PLCB1: variants seen among roughly 807,000 people sequenced by gnomAD.
The protein encoded by PLCB1 is phospholipase C beta 1.
Under a neutral mutation model 161.8 loss-of-function variants are expected in PLCB1, and 46 were observed. The observed-to-expected ratio is 0.28, with a 90% CI of 0.22 to 0.36. PLCB1 has a LOEUF of 0.36. Among genes scored for constraint, PLCB1 ranks in the 10% least tolerant of loss-of-function variants. The pLI is 1.00. For synonymous variants in PLCB1, 517 were observed against 503.7 expected, an observed-to-expected ratio of 1.03 and a Z score of -0.35; for missense variants, 1,016 against 1,472.5, an observed-to-expected ratio of 0.69 and a Z score of 5.07.
intron 9 of PLCB1, among the ~76,000 whole-genome samples, chr20:8,681,224 C>A (rs79063809): frequency 0.026 from 3,983 of 150,900 alleles, 183 homozygotes; most frequent in East Asian, 0.22. Flanking sequence ...CCAAATTATA[C>A]CTTGACCTTG....
chr20:8,637,490 A>T (rs1269857184), intron 4 of PLCB1, among the ~76,000 whole-genome samples: 1 of 152,206 alleles, frequency 6.6e-6, no homozygotes, highest in African/African-American at 2.4e-5. Context: ...GGTAATGAGT[A>T]GGAAACTGGA....
intron 1 of PLCB1, among the ~76,000 whole-genome samples, chr20:8,135,789 T>G (rs1014491854): frequency 2.6e-5 from 4 of 152,222 alleles, no homozygotes; most frequent in African/African-American, 9.6e-5. Flanking sequence ...TCTTTGCTTT[T>G]GTTTTGCATT....
chr20:8,275,498 G>A (rs1161767342), intron 2 of PLCB1, among the ~76,000 whole-genome samples: 1 of 152,102 alleles, frequency 6.6e-6, no homozygotes, highest in Non-Finnish European at 1.5e-5. Context: ...CAGTAAGTTT[G>A]GACTCAACCA....
intron 3 of PLCB1, among the ~76,000 whole-genome samples, chr20:8,545,098 T>C (rs1291662052): frequency 6.6e-6 from 1 of 152,178 alleles, no homozygotes; most frequent in Non-Finnish European, 1.5e-5. Flanking sequence ...ATGTGGAAAC[T>C]ATAAGACAAA....
chr20:8,794,681 G>T (rs945548774), intron 31 of PLCB1, among the ~76,000 whole-genome samples: 2 of 152,138 alleles, frequency 1.3e-5, no homozygotes, highest in Non-Finnish European at 2.9e-5. Flanking sequence ...CAGGGAGGAA[G>T]CTCTTTTTTT....
At chr20:8,825,733 G>A (rs1309318173) in intron 31 of PLCB1, among the ~76,000 whole-genome samples, 2 of 152,186 alleles carry the variant, frequency 1.3e-5, no homozygotes, top group Non-Finnish European at 2.9e-5. Context: ...GATTAATGTG[G>A]GGAGCAAATT....
intron 24 of PLCB1, among the ~76,000 whole-genome samples, chr20:8,757,916 A>G (rs1981823178): frequency 6.6e-6 from 1 of 151,948 alleles, no homozygotes; most frequent in Non-Finnish European, 1.5e-5. Flanking sequence ...TTTGATTTCT[A>G]CGCAGCTAAC....
chr20:8,808,884 A>G (rs1055522144), intron 31 of PLCB1, among the ~76,000 whole-genome samples: 3 of 152,248 alleles, frequency 2.0e-5, no homozygotes, highest in African/African-American at 7.2e-5. Context: ...CAACACAACC[A>G]TTACTACAAA....
At chr20:8,716,658 C>T (rs1568571218) in intron 13 of PLCB1, among the ~76,000 whole-genome samples, 2 of 152,134 alleles carry the variant, frequency 1.3e-5, no homozygotes, top group African/African-American at 4.8e-5. Flanking sequence ...CTGCTCACTC[C>T]CAGGGAACCT....
chr20:8,386,737 G>T lies in PLCB1; in HGVS notation c.246+15287G>T, dbSNP rs116676532. ...AGATGGCATCATCTTCCAACAGAAGGCTGTTTTGTCTACATGGAAAATCTG... is the reference window on the plus strand; with the variant it reads ...AGATGGCATCATCTTCCAACAGAAGTCTGTTTTGTCTACATGGAAAATCTG... On this transcript the variant is annotated intron_variant, in intron 3 of 31. Transcript: ENST00000338037. 6.0e-3 allele frequency among the ~76,000 whole-genome samples: 912 copies of T among 152,294 alleles called. 6 individuals carry two copies. Among genetic ancestry groups the T allele is most frequent in the African/African-American group, 0.02 (816 of 41,556 alleles).
chr20:8,578,813 A>C (rs1314945324), intron 3 of PLCB1, among the ~76,000 whole-genome samples: 1 of 152,188 alleles, frequency 6.6e-6, no homozygotes. Flanking sequence ...AATAATTCAA[A>C]CTCTACGTTA....
At chr20:8,149,296 C>T (rs2123030468) in intron 1 of PLCB1, among the ~76,000 whole-genome samples, 2 of 152,190 alleles carry the variant, frequency 1.3e-5, no homozygotes, top group South Asian at 4.1e-4. Flanking sequence ...TAAAGCTATG[C>T]ACTGAGATGG....
At position 8,296,163 on chromosome 20, in the gene PLCB1, T is replaced by G. The variant is rs569273509; in HGVS notation, c.178-75219T>G. Among the ~76,000 whole-genome samples, 6 of 152,310 alleles carry G rather than the reference T, an allele frequency of 3.9e-5. No individual in the cohort carries two copies. The South Asian group carries it at 1.2e-3, about 32-fold the overall frequency. ...CGAATATGTGGTGTTCTGTCAGTAA[T>G]TAGCCATTGAATATGTCAAGTTAAT... On this transcript the variant is annotated intron_variant, in intron 2 of 31. Transcript: ENST00000338037.
intron 31 of PLCB1, among the ~76,000 whole-genome samples, chr20:8,828,136 G>T (rs1379847307): frequency 1.3e-5 from 2 of 152,080 alleles, no homozygotes; most frequent in Non-Finnish European, 2.9e-5. Flanking sequence ...ATGGCTGTGG[G>T]ATATCCTGCA....
At position 8,765,242 on chromosome 20, in the gene PLCB1, C is replaced by T. The variant is rs751197236; in HGVS notation, c.2814C>T (p.His938=). The T allele has an allele frequency of 2.5e-6, 4 of 1,613,722 alleles. No individual in the cohort carries two copies. Among genetic ancestry groups the T allele is most frequent in the Non-Finnish European group, 3.4e-6 (4 of 1,179,682 alleles). Residue 938 remains histidine (H), a synonymous_variant, in exon 26 of 32, where the codon CAC becomes CAT. Transcript: ENST00000338037. ...KEMKDLVKRH[H]KKTTDLIKEH... ...TGAAAGACCTGGTTAAGAGACACCA[C>T]AAGAAAACCACTGACCTTATCAAAG...
At chr20:8,408,022 A>T (rs1978862499) in intron 3 of PLCB1, among the ~76,000 whole-genome samples, 1 of 152,224 alleles carries the variant, frequency 6.6e-6, no homozygotes, top group Admixed American at 6.5e-5. Flanking sequence ...CCTAAATGGG[A>T]TCCTGGAACA....
At chr20:8,569,870 T>C (rs1248765289) in intron 3 of PLCB1, among the ~76,000 whole-genome samples, 3 of 152,138 alleles carry the variant, frequency 2.0e-5, no homozygotes, top group Non-Finnish European at 4.4e-5. Context: ...CAGTGTCAAT[T>C]ACAATGTTTT....
rs549710106 is a variant in PLCB1 at position 8,496,699 on chromosome 20, A to G, written c.246+125249A>G. On this transcript the variant is annotated intron_variant, in intron 3 of 31. Coordinates refer to ENST00000338037, the MANE Select transcript of PLCB1 (RefSeq NM_015192.4). The stretch of plus-strand genomic sequence containing the variant: ...AGAATGTCCTTAAAGGCCATCATAC[A>G]TAGGTGGAAAGTAGAAATCAGTTCA... 3.3e-5 allele frequency among the ~76,000 whole-genome samples: 5 copies of G among 152,294 alleles called. No individual in the cohort carries two copies. The South Asian group carries it at 1.0e-3, about 32-fold the overall frequency.
intron 3 of PLCB1, among the ~76,000 whole-genome samples, chr20:8,622,954 CTG>C (rs1482193567): frequency 6.6e-6 from 1 of 152,198 alleles, no homozygotes; most frequent in Admixed American, 6.5e-5. Flanking sequence ...AGCTCTGAAG[CTG>C]TCTCTCCACA....
Sources: allele counts gnomAD v4.1 joint callset (sites outside exome capture counted in the v4.1 genomes callset), GRCh38; gene constraint gnomAD v4.1.1; transcripts MANE v1.5; gene names NCBI Gene and HGNC (gene_info 2026-07-23, HGNC 2026-07-21).